The following MAF variants were observed in gnomAD, a reference collection of about 807,000 sequenced individuals.
MAF encodes transcription factor Maf.
Under a neutral mutation model 22.0 loss-of-function variants are expected in MAF, and 10 were observed. That is an observed-to-expected ratio of 0.45 (90% CI 0.28 to 0.77). MAF has a LOEUF of 0.77. Ranked by LOEUF, MAF falls within the 30% of genes least tolerant of loss-of-function variation. The pLI is 0.12. For synonymous variants in MAF, 337 were observed against 255.8 expected (o/e 1.32, Z -3.03); for missense variants, 544 against 548.4 (o/e 0.99, Z 0.08).
At chr16:79,340,008 C>G in the MAF span, among the ~76,000 whole-genome samples, 1 of 152,182 alleles carries the variant, frequency 6.6e-6, no homozygotes, top group African/African-American at 2.4e-5. Context: ...GGAACACAGC[C>G]AACTGATTAG....
the MAF span, among the ~76,000 whole-genome samples, chr16:79,402,655 T>A: frequency 6.6e-6 from 1 of 152,174 alleles, no homozygotes; most frequent in African/African-American, 2.4e-5. Context: ...GTGCCAGGGG[T>A]GCGGTTGGAT....
the MAF span, among the ~76,000 whole-genome samples, chr16:79,446,764 C>G: frequency 6.6e-6 from 1 of 151,810 alleles, no homozygotes; most frequent in Non-Finnish European, 1.5e-5. Context: ...AAAAAATTAG[C>G]CGAGCACAGT....
the MAF span, among the ~76,000 whole-genome samples, chr16:79,289,789 A>T: frequency 6.6e-6 from 1 of 151,738 alleles, no homozygotes; most frequent in Non-Finnish European, 1.5e-5. Context: ...TCAGAGTCCA[A>T]AGTTTGTTCT....
the MAF span, among the ~76,000 whole-genome samples, chr16:79,352,217 G>C: frequency 6.6e-6 from 1 of 152,170 alleles, no homozygotes; most frequent in Non-Finnish European, 1.5e-5. Flanking sequence ...GGAGGGTTTA[G>C]GGCCAAGCTC....
At chr16:79,551,834 A>G in the MAF span, among the ~76,000 whole-genome samples, 3 of 152,138 alleles carry the variant, frequency 2.0e-5, no homozygotes, top group African/African-American at 7.2e-5. Flanking sequence ...GAGTAGCTTG[A>G]GTAGCTGCAA....
the MAF span, among the ~76,000 whole-genome samples, chr16:79,221,306 G>A: frequency 6.6e-6 from 1 of 152,078 alleles, no homozygotes; most frequent in African/African-American, 2.4e-5. Flanking sequence ...CCCACTTTAG[G>A]GAGAGAGGCT....
At chr16:79,403,994 C>T in the MAF span, among the ~76,000 whole-genome samples, 34 of 152,192 alleles carry the variant, frequency 2.2e-4, no homozygotes, top group African/African-American at 7.9e-4. Flanking sequence ...TCACCTCCGT[C>T]CATGCAGTGT....
chr16:79,458,518 A>G, the MAF span, among the ~76,000 whole-genome samples: 8 of 152,238 alleles, frequency 5.3e-5, no homozygotes, highest in African/African-American at 1.9e-4. Context: ...TTTGCCAAAC[A>G]GATGCCAACT....
the MAF span, among the ~76,000 whole-genome samples, chr16:79,440,708 G>C: frequency 6.6e-6 from 1 of 152,190 alleles, no homozygotes; most frequent in Non-Finnish European, 1.5e-5. Context: ...ACCACACTCA[G>C]CCAACCTCAT....
the MAF span, among the ~76,000 whole-genome samples, chr16:79,577,810 C>T: frequency 6.6e-6 from 1 of 152,078 alleles, no homozygotes; most frequent in African/African-American, 2.4e-5. Context: ...TGGTGCAATG[C>T]CCCAAAAATG....
chr16:79,270,674 C>A, the MAF span, among the ~76,000 whole-genome samples: 1 of 152,118 alleles, frequency 6.6e-6, no homozygotes, highest in African/African-American at 2.4e-5. Flanking sequence ...ACACTGGTGA[C>A]AGTAGGAAGG....
the MAF span, among the ~76,000 whole-genome samples, chr16:79,490,860 T>C: frequency 1.3e-5 from 2 of 152,144 alleles, no homozygotes; most frequent in African/African-American, 4.8e-5. Flanking sequence ...TCCCCAGAAA[T>C]GGGCTCTGTG....
At chr16:79,247,105 G>C in the MAF span, among the ~76,000 whole-genome samples, 1 of 152,210 alleles carries the variant, frequency 6.6e-6, no homozygotes, top group Admixed American at 6.5e-5. Flanking sequence ...AAAGCAGGTG[G>C]TCAGGGAAGG....
At chr16:79,203,927 A>G in the MAF span, 9 of 152,200 alleles carry the variant, frequency 5.9e-5, no homozygotes, top group African/African-American at 2.2e-4. Flanking sequence ...TGTTTCAAAT[A>G]AACACACACT....
the MAF span, among the ~76,000 whole-genome samples, chr16:79,401,715 C>T: frequency 2.0e-5 from 3 of 151,954 alleles, no homozygotes; most frequent in South Asian, 4.2e-4. Context: ...CCGTGTGGTA[C>T]GCAGAATACG....
the MAF span, among the ~76,000 whole-genome samples, chr16:79,545,132 C>G: frequency 6.6e-6 from 1 of 152,098 alleles, no homozygotes; most frequent in African/African-American, 2.4e-5. Flanking sequence ...TAGATGATCT[C>G]AGAATCTTTC....
chr16:79,208,619 AGTGCTCTTT>A, the MAF span, among the ~76,000 whole-genome samples: 6 of 128,752 alleles, frequency 4.7e-5, no homozygotes, highest in Non-Finnish European at 9.9e-5. Context: ...TGGTGATTAA[AGTGCTCTTT>A]AAATTTTTTT....
At chr16:79,315,635 C>A in the MAF span, among the ~76,000 whole-genome samples, 10 of 152,202 alleles carry the variant, frequency 6.6e-5, no homozygotes, top group Admixed American at 2.6e-4. Context: ...CTAGGTTTCA[C>A]ATCCAACTCT....
chr16:79,482,749 A>G, the MAF span, among the ~76,000 whole-genome samples: 1 of 151,512 alleles, frequency 6.6e-6, no homozygotes, highest in Non-Finnish European at 1.5e-5. Flanking sequence ...GCCTCTAACC[A>G]TGCACCCAAT....
Sources: gnomAD v4.1 joint callset for allele counts (sites outside exome capture counted in the v4.1 genomes callset) on GRCh38, gnomAD v4.1.1 for gene constraint, MANE v1.5 for transcripts, NCBI Gene and HGNC (gene_info 2026-07-23, HGNC 2026-07-21) for gene names.